The following MYZAP variants were observed in gnomAD, a reference collection of about 807,000 sequenced individuals.
MYZAP encodes the protein GRINL1A complex locus upstream.
MYZAP carries 66 observed loss-of-function variants against 69.4 expected under a neutral mutation model. The ratio of observed to expected loss-of-function variants is 0.95; its 90% CI spans 0.78 to 1.17. The LOEUF (loss-of-function observed/expected upper bound fraction) is 1.17. Ranked by LOEUF, MYZAP falls within the 50% of genes most tolerant of loss-of-function variation. MYZAP has a pLI of 0.00. For synonymous variants in MYZAP, 256 were observed against 205.9 expected, an observed-to-expected ratio of 1.24 and a Z score of -2.09; for missense variants, 611 against 556.2, an observed-to-expected ratio of 1.10 and a Z score of -0.99.
intron 11 of MYZAP, among the ~76,000 whole-genome samples, chr15:57,667,933 C>A (rs1320892709): frequency 6.6e-6 from 1 of 152,130 alleles, no homozygotes; most frequent in Non-Finnish European, 1.5e-5. Flanking sequence ...CATCCCTAGG[C>A]AATTCTTGAT....
At chr15:57,637,151 T>C (rs186453673) in intron 8 of MYZAP, among the ~76,000 whole-genome samples, 114 of 152,284 alleles carry the variant, frequency 7.5e-4, no homozygotes, top group African/African-American at 2.6e-3. Flanking sequence ...TTAAGATCTT[T>C]AACTTAATCA....
At chr15:57,642,361 C>T (rs370425084) in intron 10 of MYZAP, among the ~76,000 whole-genome samples, 66 of 152,306 alleles carry the variant, frequency 4.3e-4, no homozygotes, top group African/African-American at 1.5e-3. Context: ...CACTTCAGAT[C>T]ACTTGGAGCA....
At chr15:57,637,485 G>A (rs2140457905) in intron 8 of MYZAP, among the ~76,000 whole-genome samples, 1 of 152,280 alleles carries the variant, frequency 6.6e-6, no homozygotes, top group South Asian at 2.1e-4. Context: ...TTTTATTTAG[G>A]ATGTTTTGTC....
At chr15:57,598,936 G>T (rs955525041) in intron 1 of MYZAP, among the ~76,000 whole-genome samples, 1 of 152,018 alleles carries the variant, frequency 6.6e-6, no homozygotes, top group Admixed American at 6.6e-5. Context: ...GTATCCCGAG[G>T]GTCCTTCCTG....
At chr15:57,671,478 T>C (rs1461605083) in intron 11 of MYZAP, among the ~76,000 whole-genome samples, 1 of 152,140 alleles carries the variant, frequency 6.6e-6, no homozygotes, top group African/African-American at 2.4e-5. Context: ...AATTTTCTGC[T>C]TTAGTTTTCC....
At chr15:57,626,896 C>T (rs2036168530) in intron 5 of MYZAP, among the ~76,000 whole-genome samples, 1 of 152,222 alleles carries the variant, frequency 6.6e-6, no homozygotes, top group African/African-American at 2.4e-5. Flanking sequence ...GGTGGGGCTT[C>T]TGAGTCCCAC....
rs369885749 is a variant in MYZAP at position 57,621,678 on chromosome 15, G to C, written c.389G>C (p.Arg130Pro). 1.1e-5 allele frequency: 17 copies of C among 1,613,724 alleles called. No homozygotes were observed. Among genetic ancestry groups the C allele is most frequent in the East Asian group, 2.2e-5 (1 of 44,882 alleles). ...GDYDEMRQKI[R>P]QLTQELSVSH... The stretch of plus-strand genomic sequence containing the variant: ...TATGATGAGATGAGACAGAAGATTC[G>C]ACAGCTCACCCAGGAACTATCAGTA... The change falls in exon 4 of 13, where the codon CGA (arginine) becomes CCA (proline). Residue 130 changes from arginine to proline, a missense_variant. Coordinates refer to ENST00000267853, the MANE Select transcript of MYZAP (RefSeq NM_001018100.5).
chr15:57,634,683 A>C (rs143748512), intron 8 of MYZAP, among the ~76,000 whole-genome samples: 21 of 152,322 alleles, frequency 1.4e-4, no homozygotes, highest in African/African-American at 5.1e-4. Flanking sequence ...AACTGCATGA[A>C]ATTCAGTTCT....
chr15:57,630,443 T>C (rs2036436342), intron 6 of MYZAP, among the ~76,000 whole-genome samples: 1 of 152,196 alleles, frequency 6.6e-6, no homozygotes, highest in Non-Finnish European at 1.5e-5. Context: ...CTTCACTGTT[T>C]AGATTTTCTT....
At chr15:57,658,074 A>C (rs970677517) in intron 10 of MYZAP, among the ~76,000 whole-genome samples, 1 of 152,156 alleles carries the variant, frequency 6.6e-6, no homozygotes, top group Non-Finnish European at 1.5e-5. Flanking sequence ...AAAGGATTAC[A>C]TTTTTTGACA....
chr15:57,597,880 G>A (rs1191835489), intron 1 of MYZAP, among the ~76,000 whole-genome samples: 1 of 152,178 alleles, frequency 6.6e-6, no homozygotes, highest in East Asian at 1.9e-4. Context: ...TGATCCTTGT[G>A]CTGAGCAGAG....
In MYZAP at chr15:57,633,594, G is replaced by C; in HGVS notation, c.805-19G>C. 1 of 1,607,706 alleles carries C rather than the reference G, an allele frequency of 6.2e-7. No individual in the cohort carries two copies. Among genetic ancestry groups the C allele is most frequent in the Non-Finnish European group, 8.5e-7 (1 of 1,177,010 alleles). On this transcript the variant is annotated intron_variant, in intron 7 of 12. Transcript: ENST00000267853. ...CGGTACTCCATGCCTGTACTTAGGA[G>C]GGTATATTTCTTTTGCAGGAAGAAA... is the stretch of plus-strand genomic sequence containing the variant.
At chr15:57,635,413 T>C (rs1362387100) in intron 8 of MYZAP, among the ~76,000 whole-genome samples, 1 of 152,234 alleles carries the variant, frequency 6.6e-6, no homozygotes, top group South Asian at 2.1e-4. Flanking sequence ...CTTATCTTCA[T>C]TGCTGTCTTG....
intron 9 of MYZAP, among the ~76,000 whole-genome samples, chr15:57,639,042 G>C (rs759544346): frequency 3.9e-5 from 6 of 152,176 alleles, no homozygotes; most frequent in Non-Finnish European, 8.8e-5. Flanking sequence ...CTCTGTTGTG[G>C]TAGTTTGTTA....
intron 3 of MYZAP, among the ~76,000 whole-genome samples, chr15:57,620,775 G>C (rs2035756479): frequency 6.6e-6 from 1 of 152,086 alleles, no homozygotes; most frequent in Non-Finnish European, 1.5e-5. Context: ...GAAAATTAGA[G>C]GTTGCTTTTT....
chr15:57,624,166 T>C (rs938463401), intron 4 of MYZAP, among the ~76,000 whole-genome samples: 8 of 152,244 alleles, frequency 5.3e-5, no homozygotes, highest in African/African-American at 1.9e-4. Context: ...TTAGCCAAGC[T>C]AATGCTTGTA....
At chr15:57,598,194 G>A (rs1372168641) in intron 1 of MYZAP, among the ~76,000 whole-genome samples, 2 of 152,136 alleles carry the variant, frequency 1.3e-5, no homozygotes, top group South Asian at 2.1e-4. Context: ...TGAGACCCAG[G>A]CCCTCATCTC....
At chr15:57,676,517 A>G (rs2039142545) in intron 12 of MYZAP, among the ~76,000 whole-genome samples, 1 of 150,228 alleles carries the variant, frequency 6.7e-6, no homozygotes, top group Non-Finnish European at 1.5e-5. Flanking sequence ...ATTTTCATAT[A>G]TGAAAATATA....
intron 12 of MYZAP, among the ~76,000 whole-genome samples, chr15:57,678,908 G>T (rs1206808352): frequency 6.6e-6 from 1 of 151,940 alleles, no homozygotes; most frequent in East Asian, 1.9e-4. Flanking sequence ...CGGGTGTGGT[G>T]TCTCACACCT....
Sources: allele counts gnomAD v4.1 joint callset (sites outside exome capture counted in the v4.1 genomes callset), GRCh38; gene constraint gnomAD v4.1.1; transcripts MANE v1.5; gene names NCBI Gene and HGNC (gene_info 2026-07-23, HGNC 2026-07-21).